The following CAMKMT variants were observed in gnomAD, a reference collection of about 807,000 sequenced individuals.
CAMKMT encodes the protein calmodulin-lysine N-methyltransferase.
CAMKMT carries 53 observed loss-of-function variants against 48.0 expected under a neutral mutation model. The observed-to-expected ratio is 1.10, with a 90% confidence interval of 0.89 to 1.39. The LOEUF is 1.39. Among genes scored for constraint, CAMKMT ranks in the 40% most tolerant of loss-of-function variants. The pLI is 0.00. For synonymous variants in CAMKMT, 165 were observed against 152.3 expected (o/e 1.08, Z -0.61); for missense variants, 428 against 402.7 (o/e 1.06, Z -0.54).
chr2:44,755,023 C>T (rs1680311997), intron 9 of CAMKMT, among the ~76,000 whole-genome samples: 1 of 152,174 alleles, frequency 6.6e-6, no homozygotes, highest in South Asian at 2.1e-4. Flanking sequence ...AGTCTTCTGA[C>T]TCAGTGAGAC....
intron 3 of CAMKMT, among the ~76,000 whole-genome samples, chr2:44,609,063 G>A (rs1671455893): frequency 6.6e-6 from 1 of 152,170 alleles, no homozygotes. Flanking sequence ...GATTGCACAT[G>A]AAAAGATTGC....
intron 10 of CAMKMT, among the ~76,000 whole-genome samples, chr2:44,768,959 C>G (rs1468055974): frequency 6.6e-6 from 1 of 152,056 alleles, no homozygotes; most frequent in Non-Finnish European, 1.5e-5. Context: ...TTCCGCTGTC[C>G]CGTCTTAATC....
chr2:44,472,776 A>G (rs1668488986), intron 3 of CAMKMT, among the ~76,000 whole-genome samples: 2 of 152,226 alleles, frequency 1.3e-5, no homozygotes, highest in Non-Finnish European at 2.9e-5. Flanking sequence ...TTCTGCAGAT[A>G]GCAAAACATA....
At chr2:44,690,110 A>G (rs767152501) in intron 3 of CAMKMT, among the ~76,000 whole-genome samples, 6 of 152,266 alleles carry the variant, frequency 3.9e-5, no homozygotes, top group Non-Finnish European at 8.8e-5. Flanking sequence ...GACCATTTCG[A>G]AACCCATCTA....
At chr2:44,616,015 A>T (rs963398166) in intron 3 of CAMKMT, among the ~76,000 whole-genome samples, 6 of 152,144 alleles carry the variant, frequency 3.9e-5, no homozygotes, top group African/African-American at 1.2e-4. Context: ...GAAACTCTCC[A>T]TCCAGCCAAC....
intron 9 of CAMKMT, 120 bp downstream of exon 9, chr2:44,754,238 G>T: frequency 1.4e-6 from 1 of 735,440 alleles, no homozygotes; most frequent in South Asian, 1.9e-5. Flanking sequence ...TACTTATTAT[G>T]TCCAACTTCA....
Position 44,589,646 on chromosome 2 carries a change from C to T in CAMKMT, c.377-114637C>T, listed in dbSNP as rs547369208. On this transcript the variant is annotated intron_variant, in intron 3 of 10. Coordinates refer to ENST00000378494, the MANE Select transcript of CAMKMT (RefSeq NM_024766.5). ...CACTCAGGGTTACATGGATTAAAGG[C>T]GGTGCAAGATGTGCTTTGTTAAACA... Among the ~76,000 whole-genome samples, 11 of 80,936 alleles carry T rather than the reference C, an allele frequency of 1.4e-4. 3 individuals are homozygous for T. Among genetic ancestry groups the T allele is most frequent in the South Asian group, 4.0e-4 (1 of 2,498 alleles). The allele number at this position is 80,936 out of a possible 152,430, so 53.1% of individuals were successfully genotyped here.
At chr2:44,453,963 T>C (rs1205095684) in intron 3 of CAMKMT, among the ~76,000 whole-genome samples, 3 of 152,056 alleles carry the variant, frequency 2.0e-5, no homozygotes, top group Non-Finnish European at 2.9e-5. Context: ...GGCAGTGTTG[T>C]CTTAATGGAA....
At chr2:44,498,500 G>A (rs961759725) in intron 3 of CAMKMT, among the ~76,000 whole-genome samples, 1 of 152,142 alleles carries the variant, frequency 6.6e-6, no homozygotes, top group African/African-American at 2.4e-5. Context: ...ATATTCATTA[G>A]TATTACTTAG....
intron 3 of CAMKMT, among the ~76,000 whole-genome samples, chr2:44,488,262 G>T (rs1239195483): frequency 6.6e-6 from 1 of 152,206 alleles, no homozygotes; most frequent in Non-Finnish European, 1.5e-5. Flanking sequence ...CTTTTGGGAG[G>T]CCAAGGCGGG....
chr2:44,640,828 T>C (rs951501487), intron 3 of CAMKMT, among the ~76,000 whole-genome samples: 1 of 152,224 alleles, frequency 6.6e-6, no homozygotes, highest in Non-Finnish European at 1.5e-5. Context: ...GCTTCTTTAA[T>C]ATCTCAATGT....
chr2:44,424,446 T>C (rs1455036937), intron 3 of CAMKMT, among the ~76,000 whole-genome samples: 1 of 152,136 alleles, frequency 6.6e-6, no homozygotes, highest in East Asian at 1.9e-4. Flanking sequence ...GAGGGCTACA[T>C]GCATCAGTGA....
chr2:44,656,491 T>C (rs1485219276), intron 3 of CAMKMT, among the ~76,000 whole-genome samples: 2 of 152,174 alleles, frequency 1.3e-5, no homozygotes, highest in Admixed American at 6.5e-5. Flanking sequence ...AATTTAATTA[T>C]AAGAGTGTGG....
chr2:44,515,399 A>G (rs774175538), intron 3 of CAMKMT, among the ~76,000 whole-genome samples: 1 of 152,186 alleles, frequency 6.6e-6, no homozygotes, highest in African/African-American at 2.4e-5. Flanking sequence ...GTAGCTCTTC[A>G]GGCTCTGGTA....
intron 3 of CAMKMT, among the ~76,000 whole-genome samples, chr2:44,632,057 AT>A (rs950285074): frequency 5.3e-5 from 8 of 152,154 alleles, no homozygotes; most frequent in Admixed American, 2.6e-4. Context: ...CACTGGCATT[AT>A]TTTTTCTTTA....
chr2:44,534,026 G>T (rs1206812668), intron 3 of CAMKMT, among the ~76,000 whole-genome samples: 1 of 152,100 alleles, frequency 6.6e-6, no homozygotes, highest in Non-Finnish European at 1.5e-5. Flanking sequence ...TAAGTAAAGG[G>T]ATGGAAAAAT....
chr2:44,753,954 G>A (rs530076847), intron 8 of CAMKMT, 101 bp from the exon 9 acceptor site: 21 of 787,032 alleles, frequency 2.7e-5, no homozygotes, highest in South Asian at 3.3e-5. Context: ...CTTTTTTAGC[G>A]TTGGGTAAAC....
At chr2:44,496,893 C>T (rs951497499) in intron 3 of CAMKMT, among the ~76,000 whole-genome samples, 1 of 152,126 alleles carries the variant, frequency 6.6e-6, no homozygotes, top group Non-Finnish European at 1.5e-5. Context: ...GAGCTGCTGG[C>T]AGTGTTTTTT....
chr2:44,598,811 G>C (rs1670819869), intron 3 of CAMKMT, among the ~76,000 whole-genome samples: 2 of 150,998 alleles, frequency 1.3e-5, no homozygotes, highest in Non-Finnish European at 2.9e-5. Context: ...ATAAAGTCAT[G>C]GTTTCACAAT....
Sources: allele counts gnomAD v4.1 joint callset (sites outside exome capture counted in the v4.1 genomes callset), GRCh38; gene constraint gnomAD v4.1.1; transcripts MANE v1.5; gene names NCBI Gene and HGNC (gene_info 2026-07-23, HGNC 2026-07-21).